The following MINDY4 variants were observed in gnomAD, a reference collection of about 807,000 sequenced individuals.
MINDY4 encodes the protein MINDY lysine 48 deubiquitinase 4.
MINDY4 carries 68 observed loss-of-function variants against 87.0 expected under a neutral mutation model. That is an observed-to-expected ratio of 0.78 (90% confidence interval 0.64 to 0.96). The LOEUF is 0.96. Ranked by LOEUF, MINDY4 falls within the 40% of genes least tolerant of loss-of-function variation. The probability of loss-of-function intolerance (pLI) is 0.00; values close to 1 mark genes in which losing one functional copy is unlikely to be tolerated. For missense variants in MINDY4, 919 were observed against 928.2 expected (o/e 0.99, Z 0.13); for synonymous variants, 379 against 363.2 (o/e 1.04, Z -0.50).
At position 30,852,208 on chromosome 7, in the gene MINDY4, C is replaced by A; in HGVS notation, c.1548-8C>A. ...CAGAGGACTCATGCACCTTCCTTTCCTTTTTAGGGCTTCGAGAACACAGCA... is the reference window on the plus strand; with the variant it reads ...CAGAGGACTCATGCACCTTCCTTTCATTTTTAGGGCTTCGAGAACACAGCA... On this transcript the variant is annotated splice_polypyrimidine_tract_variant and splice_region_variant and intron_variant, in intron 10 of 17. Transcript: ENST00000265299. The A allele has an allele frequency of 1.9e-6, 3 of 1,614,118 alleles. No individual in the cohort carries two copies. The highest frequency in any genetic ancestry group is 2.5e-6 in the Non-Finnish European group (3 of 1,180,002).
At chr7:30,823,900 A>G (rs1163630918) in intron 5 of MINDY4, among the ~76,000 whole-genome samples, 2 of 152,222 alleles carry the variant, frequency 1.3e-5, no homozygotes, top group African/African-American at 4.8e-5. Flanking sequence ...TCTGCCAGAT[A>G]ATTTTACATT....
At chr7:30,790,824 T>G (rs1020222775) in intron 4 of MINDY4, among the ~76,000 whole-genome samples, 2 of 152,112 alleles carry the variant, frequency 1.3e-5, no homozygotes, top group Non-Finnish European at 2.9e-5. Context: ...GACAGAGAAG[T>G]TAAGCAGCTT....
chr7:30,877,417 C>G (rs1055634105), intron 15 of MINDY4, among the ~76,000 whole-genome samples: 27 of 152,240 alleles, frequency 1.8e-4, no homozygotes, highest in African/African-American at 5.5e-4. Flanking sequence ...CTACAACCAT[C>G]TCCCCTCCTC....
chr7:30,789,144 G>A (rs1787243670), intron 4 of MINDY4, among the ~76,000 whole-genome samples: 1 of 135,650 alleles, frequency 7.4e-6, no homozygotes, highest in Admixed American at 7.2e-5. Context: ...GACTCTTAGG[G>A]GTTGGTGGAC....
chr7:30,800,184 CTTCTGCA>C (rs2128170665), intron 5 of MINDY4, among the ~76,000 whole-genome samples: 1 of 152,286 alleles, frequency 6.6e-6, no homozygotes, highest in East Asian at 1.9e-4. Context: ...CTCATGGCTC[CTTCTGCA>C]TTCACCCAAC....
chr7:30,853,385 T>C lies in MINDY4; in HGVS notation c.1612-9T>C. 6.2e-7 allele frequency: 1 copy of C among 1,612,706 alleles called. No homozygotes were observed. Among genetic ancestry groups the C allele is most frequent in the Non-Finnish European group, 8.5e-7 (1 of 1,179,280 alleles). On this transcript the variant is annotated splice_polypyrimidine_tract_variant and intron_variant, in intron 11 of 17. Transcript: ENST00000265299. ...GGGCCACTCATCCTGAGTGTTTGTG[T>C]CTTCTCAGCTTACGCTTCACAGTTT... is the stretch of plus-strand genomic sequence containing the variant.
chr7:30,814,674 C>T (rs557869355), intron 5 of MINDY4, among the ~76,000 whole-genome samples: 1 of 152,252 alleles, frequency 6.6e-6, no homozygotes, highest in Non-Finnish European at 1.5e-5. Context: ...CATTTAACAC[C>T]CTTAGAAGGT....
intron 13 of MINDY4, among the ~76,000 whole-genome samples, chr7:30,864,510 T>C (rs1789867663): frequency 6.6e-6 from 1 of 152,260 alleles, no homozygotes; most frequent in Non-Finnish European, 1.5e-5. Flanking sequence ...TCTGTTCTTT[T>C]GTCTCTTCAC....
At chr7:30,790,407 C>T (rs1787284571) in intron 4 of MINDY4, among the ~76,000 whole-genome samples, 2 of 151,994 alleles carry the variant, frequency 1.3e-5, no homozygotes, top group Admixed American at 1.3e-4. Flanking sequence ...AAGAATTTAC[C>T]ACAGGATTTT....
At chr7:30,794,845 GTCTC>G (rs946803324) in intron 5 of MINDY4, among the ~76,000 whole-genome samples, 1 of 151,990 alleles carries the variant, frequency 6.6e-6, no homozygotes, top group Non-Finnish European at 1.5e-5. Flanking sequence ...TCTAACCCTC[GTCTC>G]TCTCTCCCTC....
intron 5 of MINDY4, among the ~76,000 whole-genome samples, chr7:30,800,878 G>A (rs1684873882): frequency 6.6e-6 from 1 of 152,230 alleles, no homozygotes; most frequent in South Asian, 2.1e-4. Context: ...TTTTGCAGAA[G>A]AATGGACAGT....
chr7:30,844,403 A>G (rs1325887709), intron 9 of MINDY4, among the ~76,000 whole-genome samples: 1 of 152,142 alleles, frequency 6.6e-6, no homozygotes, highest in African/African-American at 2.4e-5. Flanking sequence ...GGCCCTGGGC[A>G]GCAGGCACCA....
chr7:30,811,181 C>G (rs1185121905), intron 5 of MINDY4, among the ~76,000 whole-genome samples: 1 of 151,808 alleles, frequency 6.6e-6, no homozygotes, highest in Non-Finnish European at 1.5e-5. Context: ...TCATCACACC[C>G]AAGTCAACGT....
At chr7:30,771,590 G>A (rs1261920596) in intron 1 of MINDY4, 34 bp downstream of exon 1, 10 of 1,567,926 alleles carry the variant, frequency 6.4e-6, no homozygotes, top group Non-Finnish European at 8.6e-6. Flanking sequence ...CCCAGGAAGT[G>A]GCTCTAATTT....
chr7:30,795,927 C>G (rs1787473308), intron 5 of MINDY4, among the ~76,000 whole-genome samples: 1 of 152,128 alleles, frequency 6.6e-6, no homozygotes, highest in South Asian at 2.1e-4. Context: ...TTGGACCCAC[C>G]TGGTTGATCC....
intron 3 of MINDY4, 36 bp downstream of exon 3, chr7:30,782,248 A>G: frequency 1.3e-6 from 2 of 1,520,200 alleles, no homozygotes; most frequent in South Asian, 1.2e-5. Context: ...TTAGTTTCCT[A>G]TTGCTGCCAT....
At chr7:30,820,559 C>T (rs1045540698) in intron 5 of MINDY4, among the ~76,000 whole-genome samples, 4 of 152,168 alleles carry the variant, frequency 2.6e-5, no homozygotes, top group Non-Finnish European at 5.9e-5. Context: ...AACTACCGAT[C>T]TGTGATATTT....
At chr7:30,800,617 G>A (rs1192423389) in intron 5 of MINDY4, among the ~76,000 whole-genome samples, 2 of 152,206 alleles carry the variant, frequency 1.3e-5, no homozygotes, top group Admixed American at 6.5e-5. Context: ...GTTAAGGGAC[G>A]CTATTGAGGG....
rs1187711943 is a variant in MINDY4, at chr7:30,785,180, G to A, written c.420-569G>A. Among the ~76,000 whole-genome samples, 6 of 151,246 alleles carry A rather than the reference G, an allele frequency of 4.0e-5. No individual in the cohort carries two copies. The South Asian group carries it at 6.3e-4, about 16-fold the overall frequency. On this transcript the variant is annotated intron_variant, in intron 3 of 17. Coordinates refer to ENST00000265299, the MANE Select transcript of MINDY4 (RefSeq NM_032222.3). The stretch of plus-strand genomic sequence containing the variant: ...TTCCAGATGCTTTGGTAGGTCAGAA[G>A]CACATGCCATCCACCCTCTTACACT...
Sources: gnomAD v4.1 joint callset for allele counts (sites outside exome capture counted in the v4.1 genomes callset) on GRCh38, gnomAD v4.1.1 for gene constraint, MANE v1.5 for transcripts, NCBI Gene and HGNC (gene_info 2026-07-23, HGNC 2026-07-21) for gene names.